Variants in FHIT observed in about 807,000 individuals in gnomAD.
The protein encoded by FHIT is bis(5'-adenosyl)-triphosphatase.
FHIT carries 19 observed loss-of-function variants against 17.9 expected under a neutral mutation model. The ratio of observed to expected loss-of-function variants is 1.06; its 90% CI spans 0.74 to 1.56. The LOEUF (loss-of-function observed/expected upper bound fraction) is 1.56, where lower values mean the gene tolerates loss of function less well. FHIT is among the 40% of genes most tolerant of loss of function. The probability of loss-of-function intolerance (pLI) is 0.00; values close to 1 mark genes in which losing one functional copy is unlikely to be tolerated. For synonymous variants in FHIT, 81 were observed against 69.7 expected (o/e 1.16, Z -0.81); for missense variants, 248 against 189.2 (o/e 1.31, Z -1.82).
chr3:60,694,816 A>G (rs2041077585), intron 4 of FHIT, among the ~76,000 whole-genome samples: 1 of 152,162 alleles, frequency 6.6e-6, no homozygotes, highest in Admixed American at 6.5e-5. Flanking sequence ...TGGCAAGGAC[A>G]AAAAACCAAA....
At chr3:61,217,145 A>C (rs1560086990) in intron 1 of FHIT, among the ~76,000 whole-genome samples, 1 of 152,178 alleles carries the variant, frequency 6.6e-6, no homozygotes, top group Non-Finnish European at 1.5e-5. Context: ...AAAGTATAAT[A>C]ATAATAAAAT....
At chr3:59,950,472 T>C (rs560675981) in intron 7 of FHIT, among the ~76,000 whole-genome samples, 2 of 152,200 alleles carry the variant, frequency 1.3e-5, no homozygotes, top group African/African-American at 2.4e-5. Flanking sequence ...GATCCTCCAA[T>C]TGAAACTATC....
At chr3:60,136,181 C>A (rs1699810864) in intron 5 of FHIT, among the ~76,000 whole-genome samples, 4 of 152,062 alleles carry the variant, frequency 2.6e-5, no homozygotes, top group Admixed American at 2.6e-4. Flanking sequence ...TCTGATTTTA[C>A]ACAAGCACAC....
intron 5 of FHIT, among the ~76,000 whole-genome samples, chr3:60,344,070 A>C (rs2106912832): frequency 6.6e-6 from 1 of 152,332 alleles, no homozygotes; most frequent in African/African-American, 2.4e-5. Context: ...GGATCTGTTA[A>C]CAGGTTGCCA....
chr3:61,245,121 G>T (rs2040458708), intron 1 of FHIT, among the ~76,000 whole-genome samples: 1 of 152,122 alleles, frequency 6.6e-6, no homozygotes, highest in South Asian at 2.1e-4. Context: ...TTCAAAATAT[G>T]ATAAACAAGG....
At chr3:61,036,981 C>T (rs1315596415) in intron 3 of FHIT, among the ~76,000 whole-genome samples, 2 of 149,992 alleles carry the variant, frequency 1.3e-5, no homozygotes, top group South Asian at 2.1e-4. Context: ...GCACTATCTC[C>T]GCTCACTGCA....
At chr3:60,513,987 G>C (rs555670683) in intron 5 of FHIT, among the ~76,000 whole-genome samples, 1 of 152,284 alleles carries the variant, frequency 6.6e-6, no homozygotes, top group African/African-American at 2.4e-5. Context: ...CGGAGACTAG[G>C]TTGGGGAGAA....
chr3:59,918,678 T>C (rs1310791336), intron 8 of FHIT, among the ~76,000 whole-genome samples: 1 of 152,026 alleles, frequency 6.6e-6, no homozygotes, highest in Non-Finnish European at 1.5e-5. Flanking sequence ...TAGGCAAGGA[T>C]CTTAAACTCC....
chr3:60,203,562 A>C (rs1703018089), intron 5 of FHIT, among the ~76,000 whole-genome samples: 1 of 152,206 alleles, frequency 6.6e-6, no homozygotes, highest in South Asian at 2.1e-4. Context: ...AAAAGATTTT[A>C]GTGATGTGTC....
At chr3:59,919,080 C>T (rs1421906316) in intron 8 of FHIT, among the ~76,000 whole-genome samples, 3 of 152,146 alleles carry the variant, frequency 2.0e-5, no homozygotes, top group African/African-American at 7.2e-5. Context: ...CATTGCAATA[C>T]TGATCACAAA....
At position 60,014,093 on chromosome 3, in the gene FHIT, C is replaced by T; in HGVS notation, c.163G>A (p.Val55Met). The change falls in exon 6 of 10, where the codon GTG (valine) becomes ATG (methionine). Residue 55 changes from valine (V) to methionine (M), a missense_variant. Physicochemically the swap from Val to Met is conservative, Grantham distance 21. Transcript: ENST00000492590. ...TGGGTCGTCTGAAACAAATCGGCCA[C>T]TTCATCAGGACGCAGGTCATGGAAG... Reference protein sequence around the residue: ...ERFHDLRPDEVADLFQTTQRV... With the variant: ...ERFHDLRPDEMADLFQTTQRV... 1 of 1,614,096 alleles carries T rather than the reference C, an allele frequency of 6.2e-7. No homozygotes were observed. Among genetic ancestry groups the T allele is most frequent in the Non-Finnish European group, 8.5e-7 (1 of 1,179,986 alleles).
At chr3:60,248,625 G>T (rs1705526284) in intron 5 of FHIT, among the ~76,000 whole-genome samples, 1 of 152,108 alleles carries the variant, frequency 6.6e-6, no homozygotes. Flanking sequence ...TAAGAAAAAT[G>T]ATATAGCCTA....
At chr3:61,010,216 A>G (rs977814454) in intron 3 of FHIT, among the ~76,000 whole-genome samples, 1 of 152,150 alleles carries the variant, frequency 6.6e-6, no homozygotes, top group Non-Finnish European at 1.5e-5. Context: ...AAAAAAAAGT[A>G]AATGGTAAAC....
In FHIT at chr3:60,232,905, T is replaced by C. The variant is rs116448266; in HGVS notation, c.104-218753A>G. ...TGGATATGTGATGACACTAAGGAAATACTGTCAACTTTTAGAAGTGATAAT... is the reference window on the plus strand; with the variant it reads ...TGGATATGTGATGACACTAAGGAAACACTGTCAACTTTTAGAAGTGATAAT... On this transcript the variant is annotated intron_variant, in intron 5 of 9. Coordinates refer to ENST00000492590, the MANE Select transcript of FHIT (RefSeq NM_002012.4). Among the ~76,000 whole-genome samples, 261 of 152,244 alleles carry C rather than the reference T, an allele frequency of 1.7e-3. 2 individuals are homozygous for C. Among genetic ancestry groups the C allele is most frequent in the African/African-American group, 6.0e-3 (250 of 41,558 alleles).
chr3:60,744,268 C>G (rs148427103), intron 4 of FHIT, among the ~76,000 whole-genome samples: 2 of 80,086 alleles, frequency 2.5e-5, no homozygotes, highest in African/African-American at 4.7e-5. Flanking sequence ...CAAAACAAAA[C>G]AAAAAAAAAA....
At chr3:60,348,530 T>C (rs946735631) in intron 5 of FHIT, among the ~76,000 whole-genome samples, 1 of 152,222 alleles carries the variant, frequency 6.6e-6, no homozygotes, top group Non-Finnish European at 1.5e-5. Context: ...TTAACTTTCC[T>C]TTTTTGAAAG....
At chr3:60,082,620 C>T (rs912662896) in intron 5 of FHIT, among the ~76,000 whole-genome samples, 17 of 152,266 alleles carry the variant, frequency 1.1e-4, no homozygotes, top group Admixed American at 6.5e-4. Flanking sequence ...CCTTTCTCCA[C>T]GGTTTCACCA....
At chr3:60,666,281 C>A (rs2040380319) in intron 4 of FHIT, among the ~76,000 whole-genome samples, 1 of 152,140 alleles carries the variant, frequency 6.6e-6, no homozygotes, top group South Asian at 2.1e-4. Context: ...AAGAGTAGGT[C>A]TGCTAGCAAC....
At chr3:61,163,084 C>T (rs1230492903) in intron 2 of FHIT, among the ~76,000 whole-genome samples, 1 of 152,148 alleles carries the variant, frequency 6.6e-6, no homozygotes. Flanking sequence ...CTGTGCTGTA[C>T]TCCTGTCTCT....
Sources: allele counts gnomAD v4.1 joint callset (sites outside exome capture counted in the v4.1 genomes callset), GRCh38; gene constraint gnomAD v4.1.1; transcripts MANE v1.5; gene names NCBI Gene and HGNC (gene_info 2026-07-23, HGNC 2026-07-21).